The following HEATR5A variants were observed in gnomAD, a reference collection of about 807,000 sequenced individuals.
HEATR5A encodes the protein HEAT repeat containing 5A, also known as HEAT repeat-containing protein 5A.
In HEATR5A, 178 loss-of-function variants were observed where a neutral mutation model predicts 218.8. The observed-to-expected ratio is 0.81, with a 90% CI of 0.72 to 0.92. HEATR5A has a LOEUF of 0.92. Ranked by LOEUF, HEATR5A falls within the 40% of genes least tolerant of loss-of-function variation. The probability of loss-of-function intolerance (pLI) is 0.00; values close to 1 mark genes in which losing one functional copy is unlikely to be tolerated. For synonymous variants in HEATR5A, 864 were observed against 871.6 expected (o/e 0.99, Z 0.15); for missense variants, 2,420 against 2,418.9 (o/e 1.00, Z -0.01).
intron 20 of HEATR5A, among the ~76,000 whole-genome samples, chr14:31,344,403 C>T (rs1900954458): frequency 6.6e-6 from 1 of 151,276 alleles, no homozygotes; most frequent in East Asian, 1.9e-4. Context: ...TCCGGTCTCC[C>T]GAGTAGCTGG....
At chr14:31,321,063 CT>C (rs1347400826) in intron 25 of HEATR5A, among the ~76,000 whole-genome samples, 1 of 152,126 alleles carries the variant, frequency 6.6e-6, no homozygotes, top group African/African-American at 2.4e-5. Context: ...ATCCTCCCCC[CT>C]TTCTTCCCTC....
chr14:31,406,604 T>C (rs1235510429), intron 1 of HEATR5A, among the ~76,000 whole-genome samples: 3 of 152,148 alleles, frequency 2.0e-5, no homozygotes, highest in Non-Finnish European at 4.4e-5. Context: ...TCAGATAAGA[T>C]TTGTTTTAAC....
At chr14:31,363,999 C>T (rs1378539069) in intron 14 of HEATR5A, among the ~76,000 whole-genome samples, 190 bp downstream of exon 14, 81 of 152,116 alleles carry the variant, frequency 5.3e-4, no homozygotes, top group Non-Finnish European at 2.4e-4. Context: ...AAAAACAAAA[C>T]CCCGAATGTT....
intron 23 of HEATR5A, among the ~76,000 whole-genome samples, chr14:31,324,096 A>G (rs993476218): frequency 2.6e-5 from 4 of 152,168 alleles, no homozygotes; most frequent in Admixed American, 1.3e-4. Context: ...AAAAAAACAA[A>G]CAAACACAAT....
At chr14:31,413,049 T>G (rs1387957212) in intron 1 of HEATR5A, among the ~76,000 whole-genome samples, 1 of 152,156 alleles carries the variant, frequency 6.6e-6, no homozygotes, top group Non-Finnish European at 1.5e-5. Context: ...AAACTTAACT[T>G]ATGACGAACC....
rs1384124489 is a variant in HEATR5A, at chr14:31,358,999, C to T, written c.2130G>A (p.Gln710=). ...GAAGTAAAAATGTAGATGCTGCCAC[C>T]TGAATATCAGGGGCAGTCAAGTCAG... The part of the protein sequence containing the change: ...LAADLTAPDI[Q]VAASTFLLPP... The change falls in exon 15 of 36, where the codon CAG becomes CAA. Residue 710 remains glutamine (Q), a synonymous_variant. Transcript: ENST00000543095. 6.3e-7 allele frequency: 1 copy of T among 1,588,590 alleles called. No individual in the cohort carries two copies. The highest frequency in any genetic ancestry group is 1.2e-5 in the South Asian group (1 of 85,560).
chr14:31,394,850 C>G (rs1284260816), intron 5 of HEATR5A, among the ~76,000 whole-genome samples: 1 of 152,032 alleles, frequency 6.6e-6, no homozygotes, highest in Non-Finnish European at 1.5e-5. Context: ...ATTCTCTTAC[C>G]AACTATGTTA....
chr14:31,314,114 GT>G (rs990180291), intron 27 of HEATR5A, among the ~76,000 whole-genome samples: 5 of 150,782 alleles, frequency 3.3e-5, no homozygotes, highest in Non-Finnish European at 7.4e-5. Flanking sequence ...TGCCTGGCTG[GT>G]TTTTGTATTT....
intron 24 of HEATR5A, among the ~76,000 whole-genome samples, chr14:31,322,225 T>C (rs1183414443): frequency 6.6e-6 from 1 of 152,204 alleles, no homozygotes; most frequent in Non-Finnish European, 1.5e-5. Context: ...TACAACACAT[T>C]GTTTGGTATA....
intron 20 of HEATR5A, among the ~76,000 whole-genome samples, chr14:31,344,302 G>C (rs1282133022): frequency 1.8e-5 from 1 of 54,774 alleles, no homozygotes; most frequent in Non-Finnish European, 4.5e-5. Context: ...TTTTGAGACA[G>C]AGTCTCAGTC....
In HEATR5A at chr14:31,310,646, ATAAATAAATAAATAAG is replaced by A. The variant is rs1436307591; in HGVS notation, c.4442-1480_4442-1465del. Among the ~76,000 whole-genome samples, 30 of 152,236 alleles carry A rather than the reference ATAAATAAATAAATAAG, an allele frequency of 2.0e-4. 1 individual carries two copies. The highest frequency in any genetic ancestry group is 6.0e-4 in the African/African-American group (25 of 41,528). On this transcript the variant is annotated intron_variant, in intron 28 of 35. Coordinates refer to ENST00000543095, the MANE Select transcript of HEATR5A (RefSeq NM_015473.4). ...CAGAGCAAGACTCCACCTCAAATAA[ATAAATAAATAAATAAG>A]TAAATAAATAAATAATTTTTTTTCC...
rs61754159 is a variant in HEATR5A, at chr14:31,304,933, G to T, written c.5211C>A (p.Ser1737=). Residue 1737 remains serine, a synonymous_variant, in exon 32 of 36, where the codon TCC becomes TCA. Transcript: ENST00000543095. ...RLVSAALVIL[S]ELPAVCSPEG... is the part of the protein sequence containing the mutation. ...CAGGAGAGCACACTGCAGGAAGTTC[G>T]GAAAGGATAACCAATGCAGCTGAAA... The T allele has an allele frequency of 1.2e-6, 2 of 1,613,906 alleles. No homozygotes were observed. Among genetic ancestry groups the T allele is most frequent in the Middle Eastern group, 1.6e-4 (1 of 6,062 alleles).
chr14:31,329,325 C>G (rs2139179041), intron 22 of HEATR5A, among the ~76,000 whole-genome samples: 1 of 152,346 alleles, frequency 6.6e-6, no homozygotes, highest in Admixed American at 6.5e-5. Flanking sequence ...AGTCCAAAGT[C>G]TCATCTGAGA....
rs577497140 is a variant in HEATR5A, at chr14:31,344,268, C to CTTTTTTTTTTTTTTTT, written c.3059-219_3059-204dup. Among the ~76,000 whole-genome samples the CTTTTTTTTTTTTTTTT allele has an allele frequency of 1.7e-3, 85 of 50,832 alleles. 23 individuals are homozygous for CTTTTTTTTTTTTTTTT. The highest frequency in any genetic ancestry group is 2.3e-3 in the Non-Finnish European group (63 of 27,196). The allele number at this position is 50,832 out of a possible 152,430, so 33.3% of individuals were successfully genotyped here. A position where few individuals can be genotyped will look rare whatever the true frequency, so the allele number is the denominator to read the frequency against. On this transcript the variant is annotated intron_variant, in intron 20 of 35. Transcript: ENST00000543095. ...GTTACAGATTGTTAGATTAGTTATTCTTTTTTTTTTTTTTTTTTTTTTTTT... is the reference window on the plus strand; with the variant it reads ...GTTACAGATTGTTAGATTAGTTATTCTTTTTTTTTTTTTTTTTTTTTTTTTTTTTTTTTTTTTTTTT...
chr14:31,296,267 C>A, intron 33 of HEATR5A: 2 of 461,864 alleles, frequency 4.3e-6, no homozygotes, highest in Non-Finnish European at 7.6e-6. Context: ...TAATTATAAT[C>A]TTTAAAGGTT....
intron 1 of HEATR5A, among the ~76,000 whole-genome samples, chr14:31,410,174 G>A (rs1466051291): frequency 3.9e-5 from 6 of 152,046 alleles, no homozygotes; most frequent in African/African-American, 1.4e-4. Flanking sequence ...GTTGGGATAC[G>A]TCTCAGACTT....
rs376693896 is a variant in HEATR5A, at chr14:31,309,094, C to G, written c.4530G>C (p.Leu1510Phe). 31 of 1,613,812 alleles carry G rather than the reference C, an allele frequency of 1.9e-5. No homozygotes were observed. The highest frequency in any genetic ancestry group is 2.6e-5 in the Non-Finnish European group (31 of 1,179,884). Residue 1510 changes from leucine to phenylalanine, a missense_variant, in exon 29 of 36, where the codon TTG becomes TTC. Transcript: ENST00000543095. ...CAACAAAACCCGTGCTTGTAAGCCA[C>G]AATGCTGTAGCATGGAGGATAAGTG... ...SWALILHATA[L>F]WLTSTGFVVA...
intron 30 of HEATR5A, among the ~76,000 whole-genome samples, chr14:31,307,329 T>C (rs143609566): frequency 6.6e-6 from 1 of 152,344 alleles, no homozygotes; most frequent in Non-Finnish European, 1.5e-5. Context: ...CAATGCATAC[T>C]TGCCCTTGAG....
rs1389983511 is a variant in HEATR5A, at chr14:31,395,337, T to C, written c.459A>G (p.Arg153=). 3 of 1,518,092 alleles carry C rather than the reference T, an allele frequency of 2.0e-6. No homozygotes were observed. In the South Asian group the frequency reaches 3.7e-5, roughly 19 times the overall value. The allele number at this position is 1,518,092 out of a possible 1,614,324, so 94.0% of individuals were successfully genotyped here. ...KAMKSAESQG[R]YEIMLSLQNI... Reference sequence around the variant, plus strand: ...TTTGCAGACTTAGCATAATCTCATATCGGCCTTGAGACTTCCAAAAAGAAA... The same window carrying C: ...TTTGCAGACTTAGCATAATCTCATACCGGCCTTGAGACTTCCAAAAAGAAA... The change falls in exon 5 of 36, where the codon CGA becomes CGG. Residue 153 remains arginine, a synonymous_variant. Coordinates refer to ENST00000543095, the MANE Select transcript of HEATR5A (RefSeq NM_015473.4).
Sources: gnomAD v4.1 joint callset for allele counts (sites outside exome capture counted in the v4.1 genomes callset) on GRCh38, gnomAD v4.1.1 for gene constraint, MANE v1.5 for transcripts, NCBI Gene and HGNC (gene_info 2026-07-23, HGNC 2026-07-21) for gene names.